Variants in SLIT3 observed in about 807,000 individuals in gnomAD.
SLIT3 encodes the protein slit homolog 3 protein.
SLIT3 carries 68 observed loss-of-function variants against 184.0 expected under a neutral mutation model. The ratio of observed to expected loss-of-function variants is 0.37; its 90% confidence interval spans 0.30 to 0.45. SLIT3 has a LOEUF of 0.45. Ranked by LOEUF, SLIT3 falls within the 20% of genes least tolerant of loss-of-function variation. The pLI is 1.00. For missense variants in SLIT3, 1,707 were observed against 2,026.0 expected (o/e 0.84, Z 3.02); for synonymous variants, 831 against 828.6 (o/e 1.00, Z -0.05).
rs774657689 is a variant in SLIT3, at chr5:168,673,289, C to T, written c.3729G>A (p.Leu1243=). The part of the protein sequence containing the change: ...VNDGQFHSVE[L]VTLNQTLNLV... ...GGTTCAGGGTCTGGTTTAGCGTCAC[C>T]AGCTCCACACTGTGAAACTGCCCAT... Residue 1243 remains leucine (L), a synonymous_variant, in exon 33 of 36, where the codon CTG becomes CTA. Coordinates refer to ENST00000519560, the MANE Select transcript of SLIT3 (RefSeq NM_003062.4). The T allele has an allele frequency of 6.2e-7, 1 of 1,614,092 alleles. No individual in the cohort carries two copies. The highest frequency in any genetic ancestry group is 8.5e-7 in the Non-Finnish European group (1 of 1,180,020).
At chr5:168,974,938 G>A (rs1169367646) in intron 4 of SLIT3, among the ~76,000 whole-genome samples, 1 of 152,180 alleles carries the variant, frequency 6.6e-6, no homozygotes, top group Non-Finnish European at 1.5e-5. Context: ...TAGAAACCCT[G>A]TTCATTTGCT....
At chr5:169,157,158 GTGA>G (rs1301726051) in intron 4 of SLIT3, among the ~76,000 whole-genome samples, 1 of 152,170 alleles carries the variant, frequency 6.6e-6, no homozygotes, top group African/African-American at 2.4e-5. Flanking sequence ...TTGCTGAGTA[GTGA>G]TGAAGTCCCT....
At chr5:169,023,330 T>C (rs1756675166) in intron 4 of SLIT3, among the ~76,000 whole-genome samples, 1 of 152,080 alleles carries the variant, frequency 6.6e-6, no homozygotes, top group African/African-American at 2.4e-5. Context: ...ACTTGAAAAA[T>C]AGCTATTTTG....
At chr5:169,045,997 A>G (rs1177149168) in intron 4 of SLIT3, among the ~76,000 whole-genome samples, 2 of 152,202 alleles carry the variant, frequency 1.3e-5, no homozygotes, top group Admixed American at 1.3e-4. Flanking sequence ...CTACGGACAT[A>G]TTGAATTAAT....
At chr5:168,876,010 A>G (rs1285637155) in intron 5 of SLIT3, among the ~76,000 whole-genome samples, 4 of 152,128 alleles carry the variant, frequency 2.6e-5, no homozygotes, top group Non-Finnish European at 4.4e-5. Context: ...CTTGCCTCGG[A>G]TGAGCAGATT....
intron 4 of SLIT3, among the ~76,000 whole-genome samples, chr5:168,898,233 A>T (rs1260518672): frequency 1.3e-5 from 2 of 152,036 alleles, no homozygotes; most frequent in Non-Finnish European, 2.9e-5. Flanking sequence ...TCTCCTATTG[A>T]TCATAAGAGG....
At chr5:168,900,173 T>C (rs1760815789) in intron 4 of SLIT3, among the ~76,000 whole-genome samples, 1 of 152,198 alleles carries the variant, frequency 6.6e-6, no homozygotes, top group Non-Finnish European at 1.5e-5. Flanking sequence ...AGGGAGCACT[T>C]ATACGTGGTT....
intron 5 of SLIT3, among the ~76,000 whole-genome samples, chr5:168,861,127 T>C (rs908738233): frequency 1.3e-5 from 2 of 152,228 alleles, no homozygotes; most frequent in Non-Finnish European, 2.9e-5. Flanking sequence ...ATTATTATAC[T>C]TTAAGTTCTA....
chr5:168,776,007 T>C lies in SLIT3; in HGVS notation c.1152-1629A>G, dbSNP rs188503848. Reference sequence around the variant, plus strand: ...TTTCTTATCCCCTCTCGAATGAAACTGGGGGAAGGGGAAAATAAACTAACC... The same window carrying C: ...TTTCTTATCCCCTCTCGAATGAAACCGGGGGAAGGGGAAAATAAACTAACC... On this transcript the variant is annotated intron_variant, in intron 12 of 35. Transcript: ENST00000519560. Among the ~76,000 whole-genome samples, 26 of 152,320 alleles carry C rather than the reference T, an allele frequency of 1.7e-4. No homozygotes were observed. The East Asian group carries it at 4.8e-3, about 28-fold the overall frequency.
At position 168,771,308 on chromosome 5, in the gene SLIT3, G is replaced by T. The variant is rs199528287; in HGVS notation, c.1459+1473C>A. The stretch of plus-strand genomic sequence containing the variant: ...GGACAGTGTTCAGGGAGCGGGTAGG[G>T]GTGGGAGCATGAGACCAGGGAAGGA... On this transcript the variant is annotated intron_variant, in intron 14 of 35. Coordinates refer to ENST00000519560, the MANE Select transcript of SLIT3 (RefSeq NM_003062.4). Among the ~76,000 whole-genome samples, 32 of 152,278 alleles carry T rather than the reference G, an allele frequency of 2.1e-4. No homozygotes were observed. The East Asian group carries it at 5.4e-3, about 26-fold the overall frequency.
intron 4 of SLIT3, among the ~76,000 whole-genome samples, chr5:169,148,542 C>T (rs1360295157): frequency 6.6e-6 from 1 of 152,142 alleles, no homozygotes; most frequent in African/African-American, 2.4e-5. Context: ...GAGATTAAAC[C>T]TTCTAGAGAG....
chr5:168,811,506 C>A (rs1449980722), intron 8 of SLIT3, among the ~76,000 whole-genome samples: 1 of 152,192 alleles, frequency 6.6e-6, no homozygotes, highest in Non-Finnish European at 1.5e-5. Flanking sequence ...TGCCATGAAA[C>A]TGAAAACCAT....
chr5:169,078,194 C>T (rs950845021), intron 4 of SLIT3, among the ~76,000 whole-genome samples: 3 of 152,146 alleles, frequency 2.0e-5, no homozygotes, highest in East Asian at 1.9e-4. Flanking sequence ...CAGGGTTCAT[C>T]GATAAGGGGC....
intron 20 of SLIT3, among the ~76,000 whole-genome samples, chr5:168,740,300 G>A (rs1241225778): frequency 2.0e-5 from 3 of 152,162 alleles, no homozygotes; most frequent in East Asian, 3.8e-4. Flanking sequence ...TGAGAGAAGG[G>A]CCAGTGAGGG....
At chr5:169,265,658 A>G (rs1160809656) in intron 1 of SLIT3, among the ~76,000 whole-genome samples, 2 of 152,162 alleles carry the variant, frequency 1.3e-5, no homozygotes, top group African/African-American at 4.8e-5. Context: ...CTGTTTCTCC[A>G]TCTTAAATGG....
intron 4 of SLIT3, among the ~76,000 whole-genome samples, chr5:169,114,537 A>C (rs1218211085): frequency 1.3e-5 from 2 of 152,172 alleles, no homozygotes; most frequent in Non-Finnish European, 2.9e-5. Flanking sequence ...GTCTAAACTC[A>C]AGATTGCTGC....
At chr5:169,025,236 A>G (rs1216840318) in intron 4 of SLIT3, among the ~76,000 whole-genome samples, 1 of 152,198 alleles carries the variant, frequency 6.6e-6, no homozygotes, top group Non-Finnish European at 1.5e-5. Context: ...TTTTAAAGAC[A>G]CTATTATTCA....
intron 18 of SLIT3, 29 bp downstream of exon 18, chr5:168,752,926 C>T (rs1754765516): frequency 1.2e-6 from 2 of 1,611,306 alleles, no homozygotes; most frequent in East Asian, 4.5e-5. Flanking sequence ...ATCCCAGAGT[C>T]CGTGGGCAGT....
intron 4 of SLIT3, among the ~76,000 whole-genome samples, chr5:169,125,633 T>C (rs1761051154): frequency 6.6e-6 from 1 of 152,132 alleles, no homozygotes; most frequent in African/African-American, 2.4e-5. Context: ...CAGAATCCAG[T>C]GACAAACGGC....
Sources: gnomAD v4.1 joint callset for allele counts (sites outside exome capture counted in the v4.1 genomes callset) on GRCh38, gnomAD v4.1.1 for gene constraint, MANE v1.5 for transcripts, NCBI Gene and HGNC (gene_info 2026-07-23, HGNC 2026-07-21) for gene names.